Variants in SCMH1 observed in about 807,000 individuals in gnomAD.
SCMH1 encodes the protein polycomb protein SCMH1.
SCMH1 carries 37 observed loss-of-function variants against 70.8 expected under a neutral mutation model. The observed-to-expected ratio is 0.52, with a 90% CI of 0.40 to 0.69. The LOEUF (loss-of-function observed/expected upper bound fraction) is 0.69. Among genes scored for constraint, SCMH1 ranks in the 30% least tolerant of loss-of-function variants. The pLI is 0.00. For synonymous variants in SCMH1, 292 were observed against 307.4 expected (o/e 0.95, Z 0.52); for missense variants, 607 against 827.3 (o/e 0.73, Z 3.27).
chr1:41,127,249 T>G (rs973595664), intron 6 of SCMH1, among the ~76,000 whole-genome samples: 2 of 152,214 alleles, frequency 1.3e-5, no homozygotes, highest in Middle Eastern at 3.2e-3. Flanking sequence ...TCTTTATGAA[T>G]TAGGGAGAGT....
intron 5 of SCMH1, among the ~76,000 whole-genome samples, chr1:41,150,952 A>AG (rs1226988845): frequency 4.0e-4 from 61 of 151,656 alleles, no homozygotes; most frequent in African/African-American, 1.2e-3. Flanking sequence ...AAAAAAAAAA[A>AG]AAAAAGAAAA....
chr1:41,235,387 A>G (rs995541430), intron 1 of SCMH1, among the ~76,000 whole-genome samples: 1 of 151,836 alleles, frequency 6.6e-6, no homozygotes, highest in Non-Finnish European at 1.5e-5. Flanking sequence ...CCTGACCAAC[A>G]TGGTGAAACC....
At chr1:41,161,420 C>T (rs1646020290) in exon 3 of SCMH1, 1 of 1,550,296 alleles carries the variant, frequency 6.5e-7, no homozygotes, top group Admixed American at 2.0e-5. Flanking sequence ...TCTAACATCA[C>T]TCCAGTCTAT....
At chr1:41,138,168 C>T (rs1248651063) in intron 6 of SCMH1, among the ~76,000 whole-genome samples, 2 of 152,118 alleles carry the variant, frequency 1.3e-5, no homozygotes, top group Non-Finnish European at 2.9e-5. Context: ...CAGCTGCAAA[C>T]TTGACTTTCT....
intron 8 of SCMH1, among the ~76,000 whole-genome samples, chr1:41,110,998 T>G (rs746501531): frequency 4.6e-5 from 7 of 152,246 alleles, no homozygotes; most frequent in African/African-American, 7.2e-5. Context: ...TGAAGTTGTA[T>G]TTCACTGTGG....
intron 11 of SCMH1, among the ~76,000 whole-genome samples, chr1:41,047,283 A>G (rs1646978957): frequency 6.6e-6 from 1 of 152,152 alleles, no homozygotes; most frequent in Admixed American, 6.6e-5. Context: ...GAGAGGCAGT[A>G]AAGAAGGCCA....
intron 1 of SCMH1, among the ~76,000 whole-genome samples, chr1:41,215,843 T>C (rs1024560193): frequency 2.0e-5 from 3 of 152,194 alleles, no homozygotes; most frequent in African/African-American, 4.8e-5. Flanking sequence ...TCCAATATAC[T>C]GCCTGACAGT....
intron 6 of SCMH1, among the ~76,000 whole-genome samples, chr1:41,139,620 A>T (rs1012803811): frequency 6.6e-6 from 1 of 152,190 alleles, no homozygotes; most frequent in Non-Finnish European, 1.5e-5. Context: ...TGTAAGAATG[A>T]AGAGCATCTC....
intron 8 of SCMH1, among the ~76,000 whole-genome samples, chr1:41,104,374 A>AAT (rs2149115073): frequency 6.6e-6 from 1 of 152,352 alleles, no homozygotes; most frequent in African/African-American, 2.4e-5. Context: ...GAAATGGTAT[A>AAT]TAAATAGGGG....
At chr1:41,130,296 T>C (rs549890919) in intron 6 of SCMH1, among the ~76,000 whole-genome samples, 1 of 152,292 alleles carries the variant, frequency 6.6e-6, no homozygotes, top group Non-Finnish European at 1.5e-5. Flanking sequence ...TTATCAGATA[T>C]ATGTTTTGTG....
chr1:41,038,822 T>C (rs951902214), intron 12 of SCMH1, among the ~76,000 whole-genome samples: 2 of 152,148 alleles, frequency 1.3e-5, no homozygotes, highest in Non-Finnish European at 2.9e-5. Context: ...GAGACATGAA[T>C]GGGAATCCAA....
chr1:41,105,135 T>G (rs1032020105), intron 8 of SCMH1, among the ~76,000 whole-genome samples: 3 of 152,036 alleles, frequency 2.0e-5, no homozygotes, highest in Middle Eastern at 6.8e-3. Context: ...TTTTTTTTTT[T>G]TGTATTTTTG....
chr1:41,177,127 C>T (rs1324420015), intron 2 of SCMH1, among the ~76,000 whole-genome samples: 3 of 152,198 alleles, frequency 2.0e-5, no homozygotes, highest in African/African-American at 7.2e-5. Context: ...CCCAGGCAAA[C>T]AGGGTCTGGA....
At chr1:41,159,525 A>G (rs1352735341) in intron 4 of SCMH1, among the ~76,000 whole-genome samples, 1 of 152,192 alleles carries the variant, frequency 6.6e-6, no homozygotes, top group Admixed American at 6.5e-5. Context: ...AAGATGAGGA[A>G]ATAGGCTTAG....
intron 9 of SCMH1, among the ~76,000 whole-genome samples, chr1:41,072,095 TAA>T (rs1279864396): frequency 6.6e-6 from 1 of 152,222 alleles, no homozygotes; most frequent in Non-Finnish European, 1.5e-5. Flanking sequence ...GTATGTTCTC[TAA>T]AGAGATAGCC....
chr1:41,156,857 G>C (rs1033201228), intron 4 of SCMH1, among the ~76,000 whole-genome samples: 11 of 151,678 alleles, frequency 7.3e-5, no homozygotes, highest in African/African-American at 2.7e-4. Flanking sequence ...TTAGAGGCAG[G>C]GTTTCCCTAT....
At chr1:41,183,630 T>C (rs1649406602) in intron 2 of SCMH1, among the ~76,000 whole-genome samples, 1 of 152,134 alleles carries the variant, frequency 6.6e-6, no homozygotes, top group Non-Finnish European at 1.5e-5. Context: ...TCCTAGAGTT[T>C]GGCACACAGC....
intron 3 of SCMH1, 113 bp from the exon 4 acceptor site, chr1:41,161,011 T>A (rs1645974370): frequency 2.0e-5 from 22 of 1,117,168 alleles, no homozygotes; most frequent in South Asian, 1.8e-4. Context: ...AGTTCAGTTA[T>A]CTCATCCTAA....
intron 1 of SCMH1, among the ~76,000 whole-genome samples, chr1:41,217,898 T>A (rs1232973120): frequency 6.6e-6 from 1 of 152,196 alleles, no homozygotes; most frequent in Non-Finnish European, 1.5e-5. Flanking sequence ...TTTAGACCAG[T>A]GACTCCTTTA....
Sources: allele counts gnomAD v4.1 joint callset (sites outside exome capture counted in the v4.1 genomes callset), GRCh38; gene constraint gnomAD v4.1.1; transcripts MANE v1.5; gene names NCBI Gene and HGNC (gene_info 2026-07-23, HGNC 2026-07-21).